Variants in EHBP1 observed in about 807,000 individuals in gnomAD.
EHBP1 encodes EH domain-binding protein 1.
Under a neutral mutation model 144.0 loss-of-function variants are expected in EHBP1, and 55 were observed. That is an observed-to-expected ratio of 0.38 (90% confidence interval 0.31 to 0.48). EHBP1 has a LOEUF of 0.48. Ranked by LOEUF, EHBP1 falls within the 20% of genes least tolerant of loss-of-function variation. The pLI, the probability that EHBP1 is intolerant of heterozygous loss-of-function variation, is 0.98. For synonymous variants in EHBP1, 469 were observed against 472.7 expected, an observed-to-expected ratio of 0.99 and a Z score of 0.10; for missense variants, 1,200 against 1,364.2, an observed-to-expected ratio of 0.88 and a Z score of 1.90.
At chr2:62,741,779 GAA>G (rs1001163301) in intron 2 of EHBP1, among the ~76,000 whole-genome samples, 3 of 151,170 alleles carry the variant, frequency 2.0e-5, no homozygotes, top group Non-Finnish European at 4.4e-5. Flanking sequence ...AATATTCAGG[GAA>G]AAAAACCAAT....
intron 2 of EHBP1, among the ~76,000 whole-genome samples, chr2:62,741,427 A>G (rs567959456): frequency 1.3e-5 from 2 of 152,310 alleles, no homozygotes; most frequent in African/African-American, 4.8e-5. Flanking sequence ...AGGTGGTAAT[A>G]TTAGCTACTT....
intron 19 of EHBP1, among the ~76,000 whole-genome samples, chr2:63,003,871 T>C (rs2059935184): frequency 6.6e-6 from 1 of 152,108 alleles, no homozygotes; most frequent in African/African-American, 2.4e-5. Context: ...TTCCACTATG[T>C]AAGGAGTTAA....
chr2:62,742,700 G>A (rs2038829751), intron 2 of EHBP1, among the ~76,000 whole-genome samples: 2 of 151,994 alleles, frequency 1.3e-5, no homozygotes, highest in Admixed American at 1.3e-4. Flanking sequence ...ATTTTGCTCA[G>A]ATCTTAGGGG....
chr2:62,890,948 G>A (rs2052408883), intron 10 of EHBP1, among the ~76,000 whole-genome samples: 1 of 152,162 alleles, frequency 6.6e-6, no homozygotes, highest in South Asian at 2.1e-4. Flanking sequence ...GGGAGGCTGA[G>A]GCAGGTAGAT....
intron 19 of EHBP1, among the ~76,000 whole-genome samples, chr2:63,016,770 G>A (rs1343916640): frequency 6.6e-6 from 1 of 152,042 alleles, no homozygotes; most frequent in Non-Finnish European, 1.5e-5. Flanking sequence ...AGGTAAAAAA[G>A]CATATAAGAA....
intron 10 of EHBP1, among the ~76,000 whole-genome samples, chr2:62,904,243 G>A (rs1272726529): frequency 1.3e-5 from 2 of 152,176 alleles, no homozygotes; most frequent in East Asian, 3.8e-4. Context: ...AAATAGTTGA[G>A]GGACATCTTG....
intron 5 of EHBP1, among the ~76,000 whole-genome samples, chr2:62,790,148 G>T: frequency 6.6e-6 from 1 of 152,088 alleles, no homozygotes; most frequent in East Asian, 1.9e-4. Context: ...ACATAATGTC[G>T]TCTTGTGACA....
chr2:63,011,126 G>A (rs1159936887), intron 19 of EHBP1, among the ~76,000 whole-genome samples: 7 of 148,268 alleles, frequency 4.7e-5, no homozygotes, highest in Non-Finnish European at 9.0e-5. Flanking sequence ...GTTTTCTGCC[G>A]GGTGGCCTCA....
At chr2:62,991,419 T>C (rs908276546) in intron 16 of EHBP1, among the ~76,000 whole-genome samples, 2 of 152,172 alleles carry the variant, frequency 1.3e-5, no homozygotes, top group African/African-American at 2.4e-5. Context: ...TCTATATGTA[T>C]GTATATTTTG....
intron 3 of EHBP1, among the ~76,000 whole-genome samples, chr2:62,758,600 A>T (rs2040500098): frequency 6.6e-6 from 1 of 152,246 alleles, no homozygotes; most frequent in African/African-American, 2.4e-5. Flanking sequence ...CAGTTAGGAT[A>T]GACCAGAAAA....
chr2:62,979,338 G>C lies in EHBP1; in HGVS notation c.2608+3G>C. ...AGAAAGGTCAAAGGCATCTGGAGGT[G>C]AGTTAAAGAATCTTCTATCATTCTA... On this transcript the variant is annotated splice_donor_region_variant and intron_variant, in intron 15 of 22. Coordinates refer to ENST00000431489, the MANE Select transcript of EHBP1 (RefSeq NM_001142616.3). 1 of 1,612,904 alleles carries C rather than the reference G, an allele frequency of 6.2e-7. No homozygotes were observed.
At chr2:62,949,813 A>C (rs975238886) in intron 13 of EHBP1, among the ~76,000 whole-genome samples, 1 of 152,132 alleles carries the variant, frequency 6.6e-6, no homozygotes, top group Non-Finnish European at 1.5e-5. Context: ...TGATGATATT[A>C]ATAATTTACT....
chr2:62,759,048 G>A (rs958125172), intron 3 of EHBP1, among the ~76,000 whole-genome samples: 2 of 152,136 alleles, frequency 1.3e-5, no homozygotes, highest in Non-Finnish European at 2.9e-5. Context: ...TTTTAGGTAA[G>A]AATATGACAT....
chr2:62,707,364 C>T (rs556035351), intron 2 of EHBP1, 69 bp downstream of exon 2: 36 of 1,139,436 alleles, frequency 3.2e-5, no homozygotes, highest in Non-Finnish European at 4.3e-5. Flanking sequence ...AACTCTGGGT[C>T]TTCTGATAGT....
intron 3 of EHBP1, among the ~76,000 whole-genome samples, chr2:62,758,003 C>T (rs1459160368): frequency 6.8e-6 from 1 of 147,928 alleles, no homozygotes; most frequent in African/African-American, 2.5e-5. Context: ...AAGAGCGAGA[C>T]TCTGTCTCAA....
At chr2:63,010,811 A>T (rs1031100411) in intron 19 of EHBP1, among the ~76,000 whole-genome samples, 47 of 151,822 alleles carry the variant, frequency 3.1e-4, no homozygotes, top group Admixed American at 1.4e-3. Context: ...ATGTCTTAAA[A>T]TCCTTAGTAG....
intron 10 of EHBP1, among the ~76,000 whole-genome samples, chr2:62,893,942 G>C (rs1439842814): frequency 2.0e-5 from 3 of 151,898 alleles, no homozygotes; most frequent in Non-Finnish European, 4.4e-5. Context: ...CTAGTAGGGA[G>C]ACTGAGGCAG....
chr2:62,997,744 T>C (rs1206479594), intron 19 of EHBP1, among the ~76,000 whole-genome samples: 2 of 152,108 alleles, frequency 1.3e-5, no homozygotes, highest in African/African-American at 4.8e-5. Flanking sequence ...AGCATTTATA[T>C]GGGACATTTG....
At chr2:62,791,711 C>T (rs1326767123) in intron 5 of EHBP1, among the ~76,000 whole-genome samples, 1 of 151,722 alleles carries the variant, frequency 6.6e-6, no homozygotes, top group African/African-American at 2.4e-5. Context: ...GTTTTAAATA[C>T]CTGTAAGAGG....
Sources: gnomAD v4.1 joint callset for allele counts (sites outside exome capture counted in the v4.1 genomes callset) on GRCh38, gnomAD v4.1.1 for gene constraint, MANE v1.5 for transcripts, NCBI Gene and HGNC (gene_info 2026-07-23, HGNC 2026-07-21) for gene names.